CHRNB4: variants seen among roughly 807,000 people sequenced by gnomAD.
CHRNB4 encodes the protein neuronal acetylcholine receptor subunit beta-4.
A neutral mutation model predicts 40.4 loss-of-function variants in CHRNB4; 23 were observed. The observed-to-expected ratio is 0.57, with a 90% CI of 0.41 to 0.81. The LOEUF (loss-of-function observed/expected upper bound fraction) is 0.81. Ranked by LOEUF, CHRNB4 falls within the 30% of genes least tolerant of loss-of-function variation. The pLI is 0.00. For missense variants in CHRNB4, 568 were observed against 670.6 expected, an observed-to-expected ratio of 0.85 and a Z score of 1.69; for synonymous variants, 285 against 274.4, an observed-to-expected ratio of 1.04 and a Z score of -0.38.
At position 78,650,432 on chromosome 15, in the gene CHRNB4, C is replaced by T. The variant is rs570936269; in HGVS notation, c.-15-993G>A. On this transcript the variant is annotated intron_variant and NMD_transcript_variant, in intron 6 of 11. Transcript: ENST00000559849. ...CTGGGCCCAGGGTTTGTCCTAAGAC[C>T]TGTAGCTGATGCCTTGGGCTCCAGA... 2.6e-5 allele frequency among the ~76,000 whole-genome samples: 4 copies of T among 152,272 alleles called. No individual in the cohort carries two copies. In the South Asian group the frequency reaches 8.3e-4, roughly 32 times the overall value.
chr15:78,661,373 G>A, upstream of CHRNB4: 1 of 532,394 alleles, frequency 1.9e-6, no homozygotes, highest in Non-Finnish European at 3.6e-6. Flanking sequence ...CAAGACCACG[G>A]CCATTTTGTT....
Position 78,631,169 on chromosome 15 carries a change from C to T in CHRNB4, c.266G>A (p.Arg89His), listed in dbSNP as rs759310176. 12 of 1,614,194 alleles carry T rather than the reference C, an allele frequency of 7.4e-6. No individual in the cohort carries two copies. The highest frequency in any genetic ancestry group is 1.7e-5 in the Admixed American group (1 of 60,032). Residue 89 changes from arginine (R) to histidine (H), a missense_variant, in exon 4 of 6, where the codon CGC (arginine) becomes CAC (histidine). Physicochemically the swap from Arg to His is conservative, Grantham distance 29. Coordinates refer to ENST00000261751, the MANE Select transcript of CHRNB4 (RefSeq NM_000750.5). ...VWLKQEWTDY[R>H]LTWNSSRYEG... is the part of the protein sequence containing the mutation. ...GTAGCGGGAGCTGTTCCAGGTCAGG[C>T]GGTAATCAGTCCATTCCTGGACAGA...
chr15:78,658,873 C>A (rs1449855071), intron 1 of CHRNB4, among the ~76,000 whole-genome samples: 1 of 152,152 alleles, frequency 6.6e-6, no homozygotes, highest in African/African-American at 2.4e-5. Context: ...AGAGGAGATG[C>A]CTGAAAACCT....
At chr15:78,637,524 G>A (rs933090648) in intron 1 of CHRNB4, among the ~76,000 whole-genome samples, 23 of 152,074 alleles carry the variant, frequency 1.5e-4, no homozygotes, top group African/African-American at 5.6e-4. Context: ...CTGGTGAGGG[G>A]CTGCCTGGCT....
intron 1 of CHRNB4, among the ~76,000 whole-genome samples, chr15:78,638,793 A>G (rs2054010558): frequency 1.3e-5 from 2 of 152,238 alleles, no homozygotes; most frequent in Non-Finnish European, 2.9e-5. Context: ...GGCTCAAAGG[A>G]CAAGGAACAG....
rs756850709 is a variant in CHRNB4 at position 78,629,026 on chromosome 15, C to T, written c.1279G>A (p.Ala427Thr). 4 of 1,614,110 alleles carry T rather than the reference C, an allele frequency of 2.5e-6. No homozygotes were observed. In the South Asian group the frequency reaches 4.4e-5, roughly 18 times the overall value. Residue 427 changes from alanine (A) to threonine (T), a missense_variant, in exon 5 of 6, where the codon GCA becomes ACA. Ala to Thr is a moderately conservative substitution (Grantham distance 58). Transcript: ENST00000261751. This position sits in a 1 kb window ranked among gnomAD's most constrained non-coding sequence, Gnocchi z 6.8. The stretch of plus-strand genomic sequence containing the variant: ...GCGATGAAGCTGACACCTTCTAATG[C>T]CTCCTGCACATCCTGTCGGAACCTC... ...SGRFRQDVQE[A>T]LEGVSFIAQH...
At chr15:78,642,889 G>A (rs1018374893), upstream of CHRNB4, among the ~76,000 whole-genome samples, 2 of 152,172 alleles carry the variant, frequency 1.3e-5, no homozygotes, top group Admixed American at 1.3e-4. Context: ...CCAGTGCATT[G>A]CTTCTGGAGC....
At chr15:78,649,924 A>G (rs1373771882) in intron 6 of CHRNB4, among the ~76,000 whole-genome samples, 2 of 152,250 alleles carry the variant, frequency 1.3e-5, no homozygotes, top group African/African-American at 4.8e-5. Flanking sequence ...AGTATGTTTG[A>G]ACAACTCCGG....
At chr15:78,648,652 G>A (rs1411944323) in intron 7 of CHRNB4, among the ~76,000 whole-genome samples, 1 of 150,856 alleles carries the variant, frequency 6.6e-6, no homozygotes, top group African/African-American at 2.4e-5. Context: ...TACTCAGGAG[G>A]CTGAGGCACA....
In CHRNB4 at chr15:78,657,577, G is replaced by A. The variant is rs369305791; in HGVS notation, c.-760-194C>T. ...TTATTTATTTATTTATTTATGAGAC[G>A]GAGTCTCACTCTGTCACCCAGGCTG... On this transcript the variant is annotated intron_variant and NMD_transcript_variant, in intron 2 of 11. Coordinates refer to the CHRNB4 transcript ENST00000559849. 1.6e-4 allele frequency among the ~76,000 whole-genome samples: 25 copies of A among 151,860 alleles called. No individual in the cohort carries two copies. The East Asian group carries it at 4.5e-3, about 27-fold the overall frequency.
At chr15:78,631,897 G>A (rs1221451995) in intron 2 of CHRNB4, among the ~76,000 whole-genome samples, 1 of 152,036 alleles carries the variant, frequency 6.6e-6, no homozygotes, top group East Asian at 1.9e-4. Flanking sequence ...CTAGTGATCT[G>A]CCTCCCCACC....
upstream of CHRNB4, chr15:78,661,017 T>C: frequency 3.8e-6 from 2 of 526,748 alleles, no homozygotes; most frequent in South Asian, 3.1e-5. Flanking sequence ...CAAAATCTTT[T>C]TAATAAGAGG....
intron 4 of CHRNB4, 183 bp downstream of exon 4, chr15:78,630,893 C>A: frequency 1.7e-6 from 1 of 591,564 alleles, no homozygotes; most frequent in Non-Finnish European, 3.0e-6. Context: ...GCCTCCAACT[C>A]CCCATCTGTA....
intron 7 of CHRNB4, among the ~76,000 whole-genome samples, chr15:78,648,341 C>T (rs529942621): frequency 1.4e-5 from 2 of 144,288 alleles, no homozygotes; most frequent in South Asian, 4.4e-4. Flanking sequence ...TGCAGTGAGC[C>T]GAGATCACAC....
chr15:78,629,248 C>T lies in CHRNB4; in HGVS notation c.1057G>A (p.Asp353Asn), dbSNP rs537367322. 9.3e-6 allele frequency: 15 copies of T among 1,613,300 alleles called. No individual in the cohort carries two copies. The Admixed American group carries it at 1.7e-4, about 18-fold the overall frequency. ...TFLFMKRPGPDSSPARAFPPS... is the reference protein window; with the variant it reads ...TFLFMKRPGPNSSPARAFPPS... ...GGGAAGGCTCTGGCCGGGCTGCTGT[C>T]GGGGCCAGGGCGCTTCATGAAGAGG... is the stretch of plus-strand genomic sequence containing the variant. Residue 353 changes from aspartate to asparagine, a missense_variant, in exon 5 of 6, where the codon GAC becomes AAC. Transcript: ENST00000261751. This position sits in a 1 kb window ranked among gnomAD's most constrained non-coding sequence, Gnocchi z 6.8.
chr15:78,635,714 T>C (rs1596111506), intron 1 of CHRNB4, 127 bp from the exon 2 acceptor site: 3 of 1,238,692 alleles, frequency 2.4e-6, no homozygotes, highest in African/African-American at 3.0e-5. Context: ...GCGAAGGTGC[T>C]GGCAGGCCTG....
chr15:78,628,443 G>A (rs2053710538), intron 5 of CHRNB4, among the ~76,000 whole-genome samples: 1 of 152,182 alleles, frequency 6.6e-6, no homozygotes, highest in South Asian at 2.1e-4. Context: ...CAGCACCAAG[G>A]GTGCTTGTTC....
At chr15:78,627,401 C>T (rs903100059) in intron 5 of CHRNB4, 1 of 152,130 alleles carries the variant, frequency 6.6e-6, no homozygotes, top group Non-Finnish European at 1.5e-5. Flanking sequence ...AAGAACTACA[C>T]CAGAAGAATA....
At position 78,631,327 on chromosome 15, in the gene CHRNB4, C is replaced by T; in HGVS notation, c.210G>A (p.Glu70=). 1.2e-6 allele frequency: 2 copies of T among 1,613,900 alleles called. No individual in the cohort carries two copies. Among genetic ancestry groups the T allele is most frequent in the Non-Finnish European group, 1.7e-6 (2 of 1,179,996 alleles). The part of the protein sequence containing the change: ...LSLAQLISVN[E]REQIMTTNVW... ...CATTGGTGGTCATGATCTGCTCTCGCTCATTCTGGGGAGGGAAACGGGGCT... is the reference window on the plus strand; with the variant it reads ...CATTGGTGGTCATGATCTGCTCTCGTTCATTCTGGGGAGGGAAACGGGGCT... The change falls in exon 3 of 6, where the codon GAG becomes GAA. Residue 70 remains glutamate (E), a synonymous_variant. Transcript: ENST00000261751.
Sources: gnomAD v4.1 joint callset for allele counts (sites outside exome capture counted in the v4.1 genomes callset) on GRCh38, gnomAD v4.1.1 for gene constraint, Gnocchi (gnomAD v3.1) non-coding constraint, MANE v1.5 for transcripts, NCBI Gene and HGNC (gene_info 2026-07-23, HGNC 2026-07-21) for gene names.